SLC17A1: variants seen among roughly 807,000 people sequenced by gnomAD.
The protein encoded by SLC17A1 is solute carrier family 17 member 1.
In SLC17A1, 51 loss-of-function variants were observed where a neutral mutation model predicts 53.5. That is an observed-to-expected ratio of 0.95 (90% CI 0.76 to 1.20). SLC17A1 has a LOEUF of 1.20. Among genes scored for constraint, SLC17A1 ranks in the 50% most tolerant of loss-of-function variants. SLC17A1 has a pLI of 0.00. For synonymous variants in SLC17A1, 179 were observed against 198.8 expected, an observed-to-expected ratio of 0.90 and a Z score of 0.84; for missense variants, 538 against 568.2, an observed-to-expected ratio of 0.95 and a Z score of 0.54.
At chr6:25,769,076 C>G in the SLC17A1 span, 19 of 1,613,978 alleles carry the variant, frequency 1.2e-5, no homozygotes, top group Admixed American at 2.8e-4. Context: ...GCATTGCCAT[C>G]CCAGCTATGG....
chr6:25,779,320 C>T, downstream of SLC17A1: 1 of 1,290,026 alleles, frequency 7.8e-7, no homozygotes, highest in Non-Finnish European at 1.1e-6. Flanking sequence ...AAAGATTTTA[C>T]CATGCCTGGA....
chr6:25,742,400 C>T, the SLC17A1 span, among the ~76,000 whole-genome samples: 1 of 151,514 alleles, frequency 6.6e-6, no homozygotes, highest in African/African-American at 2.4e-5. Context: ...TGACTCATGC[C>T]TATAATCCCA....
At chr6:25,776,654 T>C in the SLC17A1 span, 1 of 1,613,776 alleles carries the variant, frequency 6.2e-7, no homozygotes, top group Non-Finnish European at 8.5e-7. Context: ...TCCTTGGAGG[T>C]CTACTGGCAG....
the SLC17A1 span, chr6:25,773,715 G>T: frequency 1.9e-6 from 3 of 1,591,708 alleles, no homozygotes; most frequent in Non-Finnish European, 2.6e-6. Flanking sequence ...CTGTTTAAAT[G>T]CTTAAATAAT....
At chr6:25,731,946 C>T in the SLC17A1 span, 2 of 1,599,226 alleles carry the variant, frequency 1.3e-6, no homozygotes, top group Non-Finnish European at 8.5e-7. Flanking sequence ...ACAGGCAATG[C>T]GCTCAAAAAT....
chr6:25,734,536 T>C, the SLC17A1 span, among the ~76,000 whole-genome samples: 1 of 152,212 alleles, frequency 6.6e-6, no homozygotes. Flanking sequence ...GAAGGCATGC[T>C]ACTAAGTGCA....
intron 12 of SLC17A1, among the ~76,000 whole-genome samples, chr6:25,798,234 T>A (rs1421638824): frequency 6.6e-6 from 1 of 152,178 alleles, no homozygotes; most frequent in Non-Finnish European, 1.5e-5. Flanking sequence ...CAAAGAGACA[T>A]TTCTCCTCCA....
chr6:25,815,986 C>T (rs374999506), intron 6 of SLC17A1, among the ~76,000 whole-genome samples: 5 of 151,100 alleles, frequency 3.3e-5, no homozygotes, highest in East Asian at 3.9e-4. Context: ...TTTTGTGTCC[C>T]TTCCCCAAGC....
intron 10 of SLC17A1, among the ~76,000 whole-genome samples, chr6:25,809,290 G>C (rs1406890920): frequency 6.6e-6 from 1 of 151,902 alleles, no homozygotes. Flanking sequence ...TAATAGGTAT[G>C]ATGTATATTA....
chr6:25,755,635 T>C, the SLC17A1 span, among the ~76,000 whole-genome samples: 1 of 152,164 alleles, frequency 6.6e-6, no homozygotes. Flanking sequence ...TTTTTCCTCA[T>C]TTACCTGGTT....
chr6:25,745,746 T>C, the SLC17A1 span, among the ~76,000 whole-genome samples: 12 of 152,236 alleles, frequency 7.9e-5, no homozygotes, highest in Non-Finnish European at 1.6e-4. Context: ...GGCCTCTTTC[T>C]AGAAGGAACT....
At chr6:25,789,580 ATATGACTCCG>A (rs1359724035) in intron 12 of SLC17A1, among the ~76,000 whole-genome samples, 1 of 152,196 alleles carries the variant, frequency 6.6e-6, no homozygotes, top group Non-Finnish European at 1.5e-5. Context: ...TATCAGCATC[ATATGACTCCG>A]GTATAATGAC....
At chr6:25,830,156 C>T (rs12195973) in intron 2 of SLC17A1, among the ~76,000 whole-genome samples, 36 of 152,186 alleles carry the variant, frequency 2.4e-4, no homozygotes, top group Non-Finnish European at 3.2e-4. Context: ...ACACATTCAG[C>T]TGTTGATGTC....
chr6:25,771,262 A>T, the SLC17A1 span, among the ~76,000 whole-genome samples: 3,264 of 152,298 alleles, frequency 0.021, 74 homozygotes, highest in African/African-American at 0.058. Context: ...AGAGCAAATT[A>T]TCTCATAAAA....
At chr6:25,727,759 C>G in the SLC17A1 span, among the ~76,000 whole-genome samples, 1,095 of 152,132 alleles carry the variant, frequency 7.2e-3, 11 homozygotes, top group African/African-American at 0.019. Flanking sequence ...CCGTGACTCG[C>G]CTGTAATCCC....
chr6:25,828,934 G>A lies in SLC17A1; in HGVS notation c.34+1590C>T, dbSNP rs993393210. On this transcript the variant is annotated intron_variant, in intron 2 of 12. Transcript: ENST00000244527. ...TAGATAAACTGTTAAATGAAAAAAA[G>A]CATTAGTACCCAACAAATAGTTGGC... Among the ~76,000 whole-genome samples the A allele has an allele frequency of 5.9e-5, 9 of 152,198 alleles. No homozygotes were observed. In the South Asian group the frequency reaches 8.3e-4, roughly 14 times the overall value.
At chr6:25,749,812 G>T in the SLC17A1 span, among the ~76,000 whole-genome samples, 1 of 152,044 alleles carries the variant, frequency 6.6e-6, no homozygotes, top group Non-Finnish European at 1.5e-5. Flanking sequence ...AATTTAATTA[G>T]AAATAACATG....
downstream of SLC17A1, among the ~76,000 whole-genome samples, chr6:25,781,611 C>G (rs976446997): frequency 2.0e-4 from 31 of 152,210 alleles, no homozygotes; most frequent in African/African-American, 7.5e-4. Flanking sequence ...CTGGCGAGGG[C>G]CTCAGGCAAC....
At chr6:25,782,290 G>T (rs933112670), downstream of SLC17A1, among the ~76,000 whole-genome samples, 5 of 152,150 alleles carry the variant, frequency 3.3e-5, no homozygotes, top group Non-Finnish European at 7.4e-5. Flanking sequence ...TGCCTGGCAG[G>T]GCTATCGCCA....
Sources: gnomAD v4.1 joint callset for allele counts (sites outside exome capture counted in the v4.1 genomes callset) on GRCh38, gnomAD v4.1.1 for gene constraint, MANE v1.5 for transcripts, NCBI Gene and HGNC (gene_info 2026-07-23, HGNC 2026-07-21) for gene names.